Variants in EBF4 observed in about 807,000 individuals in gnomAD.
The protein encoded by EBF4 is EBF transcription factor 4.
In EBF4, 34 loss-of-function variants were observed where a neutral mutation model predicts 67.1. That is an observed-to-expected ratio of 0.51 (90% CI 0.39 to 0.67). The LOEUF is 0.67. Among genes scored for constraint, EBF4 ranks in the 30% least tolerant of loss-of-function variants. The pLI, the probability that EBF4 is intolerant of heterozygous loss-of-function variation, is 0.00. For synonymous variants in EBF4, 387 were observed against 377.7 expected, an observed-to-expected ratio of 1.02 and a Z score of -0.29; for missense variants, 837 against 873.3, an observed-to-expected ratio of 0.96 and a Z score of 0.52.
Position 2,752,353 on chromosome 20 carries a change from G to C in EBF4, c.1352-4G>C, listed in dbSNP as rs1160097519. On this transcript the variant is annotated splice_region_variant and splice_polypyrimidine_tract_variant and intron_variant, in intron 13 of 16. Transcript: ENST00000609451. ...CCCCCTGACGGCCGCGCTCTCTCTC[G>C]CAGGCTACGCGCGCAGCTGCAGCAG... is the stretch of plus-strand genomic sequence containing the variant. 2.9e-5 allele frequency: 35 copies of C among 1,213,562 alleles called. No homozygotes were observed. Among genetic ancestry groups the C allele is most frequent in the South Asian group, 3.7e-5 (1 of 27,222 alleles). 75.2% of individuals were successfully genotyped at this position (1,213,562 alleles called of 1,614,324 possible).
intron 15 of EBF4, among the ~76,000 whole-genome samples, chr20:2,757,727 G>A (rs979584526): frequency 6.6e-6 from 1 of 152,144 alleles, no homozygotes; most frequent in African/African-American, 2.4e-5. Flanking sequence ...TGGGCAGATC[G>A]CTTGAGATCA....
At chr20:2,705,437 C>A in intron 1 of EBF4, 140 bp from the exon 2 acceptor site, 1 of 1,160,296 alleles carries the variant, frequency 8.6e-7, no homozygotes, top group Non-Finnish European at 1.2e-6. Flanking sequence ...CTGGAAAGGG[C>A]CTGTCTAGTT....
chr20:2,711,012 G>A lies in EBF4; in HGVS notation c.557+1370G>A, dbSNP rs900210917. Among the ~76,000 whole-genome samples, 4 of 152,006 alleles carry A rather than the reference G, an allele frequency of 2.6e-5. No homozygotes were observed. The East Asian group carries it at 5.8e-4, about 22-fold the overall frequency. On this transcript the variant is annotated intron_variant, in intron 6 of 16. Transcript: ENST00000609451. Reference sequence around the variant, plus strand: ...CACACACAAAAATTAGCTGGGCATGGTGGTGTACATCTGTGGTCCCAGCTA... The same window carrying A: ...CACACACAAAAATTAGCTGGGCATGATGGTGTACATCTGTGGTCCCAGCTA...
At chr20:2,709,053 G>T (rs2087500959) in intron 5 of EBF4, among the ~76,000 whole-genome samples, 1 of 152,162 alleles carries the variant, frequency 6.6e-6, no homozygotes, top group Non-Finnish European at 1.5e-5. Flanking sequence ...AGGCGTGGTG[G>T]TGCACACCTG....
At chr20:2,710,452 CT>C (rs2146397227) in intron 6 of EBF4, among the ~76,000 whole-genome samples, 1 of 152,108 alleles carries the variant, frequency 6.6e-6, no homozygotes, top group South Asian at 2.1e-4. Context: ...GCCTGGCCTA[CT>C]TCTTTTTGAA....
exon 9 of EBF4, chr20:2,749,701 A>C: frequency 6.4e-7 from 1 of 1,559,422 alleles, no homozygotes; most frequent in Non-Finnish European, 8.7e-7. Context: ...ATCGGCGACA[A>C]CTTCTTCGAC....
chr20:2,693,258 C>T (rs1248570059), upstream of EBF4: 2 of 157,688 alleles, frequency 1.3e-5, no homozygotes, highest in Non-Finnish European at 2.7e-5. The surrounding 1 kb of genome is among the most constrained non-coding windows in gnomAD (Gnocchi z 4.6). Flanking sequence ...CGAGGCAGCT[C>T]CCGGGGCGCT....
chr20:2,738,986 G>C (rs2087929506), intron 6 of EBF4, among the ~76,000 whole-genome samples: 1 of 152,152 alleles, frequency 6.6e-6, no homozygotes, highest in African/African-American at 2.4e-5. Context: ...CCCGGGTGGG[G>C]ATCATGGTGG....
chr20:2,738,467 G>C (rs866289016), intron 6 of EBF4, among the ~76,000 whole-genome samples: 10 of 152,232 alleles, frequency 6.6e-5, no homozygotes, highest in Middle Eastern at 6.8e-3. Context: ...CCCCAGGCTT[G>C]AGAGGACTTG....
At chr20:2,699,115 G>C (rs952288877) in intron 1 of EBF4, among the ~76,000 whole-genome samples, 1 of 152,196 alleles carries the variant, frequency 6.6e-6, no homozygotes, top group African/African-American at 2.4e-5. Context: ...GGGCCCTGGA[G>C]TGTCCTGCTC....
chr20:2,712,612 G>T (rs1461940965), intron 6 of EBF4, among the ~76,000 whole-genome samples: 1 of 152,148 alleles, frequency 6.6e-6, no homozygotes, highest in Non-Finnish European at 1.5e-5. Flanking sequence ...ATGAGGATGG[G>T]ACTCAAGAGA....
chr20:2,725,661 G>C (rs2087737429), intron 6 of EBF4, among the ~76,000 whole-genome samples: 1 of 152,112 alleles, frequency 6.6e-6, no homozygotes, highest in South Asian at 2.1e-4. Flanking sequence ...ACCAAATCTG[G>C]CCCCAAACCG....
rs570430114 is a variant in EBF4 at position 2,696,200 on chromosome 20, G to C, written c.137+2418G>C. 6.6e-6 allele frequency among the ~76,000 whole-genome samples: 1 copy of C among 152,168 alleles called. No individual in the cohort carries two copies. Among genetic ancestry groups the C allele is most frequent in the African/African-American group, 2.4e-5 (1 of 41,444 alleles). ...CAAATAAAGTGACCAGGCTGGGCGC[G>C]GTGGCTCACGCCTGTAATTCCAGCA... is the stretch of plus-strand genomic sequence containing the variant. On this transcript the variant is annotated intron_variant, in intron 1 of 16. Transcript: ENST00000609451. The surrounding 1 kb of genome is among the most constrained non-coding windows in gnomAD (Gnocchi z 4.7).
intron 1 of EBF4, among the ~76,000 whole-genome samples, chr20:2,697,767 T>C (rs1308432075): frequency 6.6e-6 from 1 of 152,116 alleles, no homozygotes; most frequent in Non-Finnish European, 1.5e-5. Context: ...CATCTTCCCC[T>C]GACTCCCCTG....
intron 1 of EBF4, among the ~76,000 whole-genome samples, chr20:2,702,253 G>A (rs1490850772): frequency 1.3e-5 from 2 of 152,144 alleles, no homozygotes; most frequent in Non-Finnish European, 2.9e-5. Flanking sequence ...GGATAACACA[G>A]TGAGACCCCA....
Position 2,707,872 on chromosome 20 carries a change from A to G in EBF4, c.415-75A>G. The stretch of plus-strand genomic sequence containing the variant: ...CCTGGGCCTAGGCTTGGGAGATGCC[A>G]GGTCCGTCTGTGCTGCCACCTGCAC... On this transcript the variant is annotated intron_variant, in intron 4 of 16. Transcript: ENST00000609451. This position sits in a 1 kb window ranked among gnomAD's most constrained non-coding sequence, Gnocchi z 4.6. The G allele has an allele frequency of 7.1e-7, 1 of 1,405,458 alleles. No individual in the cohort carries two copies. The highest frequency in any genetic ancestry group is 2.6e-5 in the East Asian group (1 of 38,738). The allele number at this position is 1,405,458 out of a possible 1,614,324, so 87.1% of individuals were successfully genotyped here. A position where few individuals can be genotyped will look rare whatever the true frequency, so the allele number is the denominator to read the frequency against.
At chr20:2,726,738 C>A (rs2087751737) in intron 6 of EBF4, among the ~76,000 whole-genome samples, 1 of 152,130 alleles carries the variant, frequency 6.6e-6, no homozygotes, top group African/African-American at 2.4e-5. Flanking sequence ...ATTAGATTAT[C>A]TAGATCACCA....
rs761358038 is a variant in EBF4, at chr20:2,747,831, G to A, written c.558-718G>A. On this transcript the variant is annotated intron_variant, in intron 6 of 16. Coordinates refer to ENST00000609451, the Ensembl canonical transcript of EBF4. This position sits in a 1 kb window ranked among gnomAD's most constrained non-coding sequence, Gnocchi z 4.6. The stretch of plus-strand genomic sequence containing the variant: ...GGGTGGGCATACACCGTGCATGATG[G>A]GTACAGGCTCTGTGTCTGCTTAGTA... 1.3e-5 allele frequency among the ~76,000 whole-genome samples: 2 copies of A among 152,144 alleles called. No individual in the cohort carries two copies. The highest frequency in any genetic ancestry group is 2.9e-5 in the Non-Finnish European group (2 of 68,030).
At chr20:2,738,651 G>A (rs1313106172) in intron 6 of EBF4, among the ~76,000 whole-genome samples, 3 of 152,040 alleles carry the variant, frequency 2.0e-5, no homozygotes, top group Admixed American at 1.3e-4. Flanking sequence ...GCCACTCTTG[G>A]TGGGCAGCTG....
Sources: allele counts gnomAD v4.1 joint callset (sites outside exome capture counted in the v4.1 genomes callset), GRCh38; gene constraint gnomAD v4.1.1; non-coding constraint Gnocchi (gnomAD v3.1); transcripts MANE v1.5; gene names NCBI Gene and HGNC (gene_info 2026-07-23, HGNC 2026-07-21).